CRPPA: variants seen among roughly 807,000 people sequenced by gnomAD.
CRPPA encodes the protein D-ribitol-5-phosphate cytidylyltransferase.
In CRPPA, 43 loss-of-function variants were observed where a neutral mutation model predicts 52.0. The ratio of observed to expected loss-of-function variants is 0.83; its 90% CI spans 0.65 to 1.07. The LOEUF is 1.07. CRPPA is among the 50% of genes least tolerant of loss of function. The pLI, the probability that CRPPA is intolerant of heterozygous loss-of-function variation, is 0.00. For missense variants in CRPPA, 629 were observed against 551.7 expected, an observed-to-expected ratio of 1.14 and a Z score of -1.40; for synonymous variants, 250 against 203.5, an observed-to-expected ratio of 1.23 and a Z score of -1.94.
intron 2 of CRPPA, among the ~76,000 whole-genome samples, chr7:16,379,632 T>G (rs10273021): frequency 0.016 from 2,391 of 152,298 alleles, 65 homozygotes; most frequent in African/African-American, 0.054. Context: ...GCATGGAATG[T>G]TCTTCCATTT....
chr7:16,327,525 G>A (rs965267397), intron 3 of CRPPA, among the ~76,000 whole-genome samples: 11 of 149,586 alleles, frequency 7.4e-5, no homozygotes, highest in African/African-American at 2.7e-4. Flanking sequence ...CCTGGGAAGC[G>A]GAGCTCGCAG....
chr7:16,398,224 T>C (rs1474360974), intron 2 of CRPPA, among the ~76,000 whole-genome samples: 1 of 151,474 alleles, frequency 6.6e-6, no homozygotes, highest in East Asian at 2.0e-4. Context: ...CTACATGTAA[T>C]AACGTGACTG....
intron 3 of CRPPA, among the ~76,000 whole-genome samples, chr7:16,327,479 G>C (rs1487631618): frequency 6.6e-6 from 1 of 151,920 alleles, no homozygotes; most frequent in African/African-American, 2.4e-5. Flanking sequence ...TGTAGTCCCA[G>C]CTACTCTGGA....
At chr7:16,252,040 A>C (rs1783470169) in intron 8 of CRPPA, among the ~76,000 whole-genome samples, 1 of 152,162 alleles carries the variant, frequency 6.6e-6, no homozygotes, top group Non-Finnish European at 1.5e-5. Context: ...AAAATGATAG[A>C]GAGCATATCA....
Position 16,410,878 on chromosome 7 carries a change from G to C in CRPPA, c.258-4541C>G, listed in dbSNP as rs1411362202. Among the ~76,000 whole-genome samples the C allele has an allele frequency of 3.3e-5, 5 of 152,118 alleles. No individual in the cohort carries two copies. In the East Asian group the frequency reaches 5.8e-4, roughly 18 times the overall value. ...TTCATACTCATCAGTTCTGACTTCA[G>C]AGATGGCTCCCTCCAGGAAGCTTTC... On this transcript the variant is annotated intron_variant, in intron 1 of 9. Transcript: ENST00000407010.
chr7:16,376,332 A>G, intron 2 of CRPPA, 91 bp from the exon 3 acceptor site: 1 of 1,265,302 alleles, frequency 7.9e-7, no homozygotes, highest in Non-Finnish European at 1.1e-6. Flanking sequence ...GACAGATCTT[A>G]TTCATACCTT....
At chr7:16,155,843 T>C (rs889407584) in intron 9 of CRPPA, among the ~76,000 whole-genome samples, 21 of 152,106 alleles carry the variant, frequency 1.4e-4, no homozygotes, top group Non-Finnish European at 2.8e-4. Flanking sequence ...ACAAACTCCT[T>C]ACTAGGCATG....
chr7:16,106,768 T>C (rs972264261), intron 9 of CRPPA, among the ~76,000 whole-genome samples: 5 of 152,052 alleles, frequency 3.3e-5, no homozygotes, highest in Non-Finnish European at 7.4e-5. Context: ...TAAAAGAAAG[T>C]AATAAAGCCC....
intron 9 of CRPPA, among the ~76,000 whole-genome samples, chr7:16,150,481 CTT>C (rs1446071347): frequency 6.6e-6 from 1 of 152,088 alleles, no homozygotes; most frequent in Non-Finnish European, 1.5e-5. Context: ...ACCCATGACA[CTT>C]TGAAAATATG....
At chr7:16,209,271 G>GTTTTTTTTTTTTTTTTTTTTTT (rs1316167969) in intron 9 of CRPPA, 18 of 137,818 alleles carry the variant, frequency 1.3e-4, no homozygotes, top group Non-Finnish European at 2.1e-4. Flanking sequence ...GGTTCTAAGT[G>GTTTTTTTTTTTTTTTTTTTTTT]TCTTTTTTTT....
intron 8 of CRPPA, among the ~76,000 whole-genome samples, chr7:16,222,461 A>G (rs1169624566): frequency 6.6e-6 from 1 of 152,010 alleles, no homozygotes; most frequent in Admixed American, 6.6e-5. Context: ...AAAAAAAGAA[A>G]AAAAGAAAAA....
chr7:16,342,663 C>G (rs1225919717), intron 3 of CRPPA, among the ~76,000 whole-genome samples: 1 of 148,962 alleles, frequency 6.7e-6, no homozygotes, highest in Non-Finnish European at 1.5e-5. Context: ...ACCAGTAATG[C>G]CAGCATTTTG....
intron 9 of CRPPA, among the ~76,000 whole-genome samples, chr7:16,101,994 G>A (rs1562504173): frequency 6.6e-6 from 1 of 152,050 alleles, no homozygotes; most frequent in Non-Finnish European, 1.5e-5. Context: ...AGCCCATACA[G>A]CCAAGACAAT....
chr7:16,249,251 C>T (rs548155101), intron 8 of CRPPA, among the ~76,000 whole-genome samples: 113 of 152,270 alleles, frequency 7.4e-4, no homozygotes, highest in African/African-American at 2.6e-3. Context: ...GATAAAACCC[C>T]CATCTCCCTG....
intron 9 of CRPPA, among the ~76,000 whole-genome samples, chr7:16,152,303 A>C (rs540982854): frequency 2.5e-4 from 38 of 152,110 alleles, no homozygotes; most frequent in Non-Finnish European, 5.5e-4. Flanking sequence ...AGAGTATTAT[A>C]AAATATACTT....
chr7:16,155,079 A>C (rs1326780725), intron 9 of CRPPA, among the ~76,000 whole-genome samples: 1 of 151,664 alleles, frequency 6.6e-6, no homozygotes, highest in Non-Finnish European at 1.5e-5. Context: ...TGGCCTCCCA[A>C]AATGCTGGGA....
chr7:16,365,078 G>A (rs368518373), intron 3 of CRPPA, among the ~76,000 whole-genome samples: 28 of 152,136 alleles, frequency 1.8e-4, no homozygotes, highest in African/African-American at 6.3e-4. Flanking sequence ...GTGACTAACT[G>A]CTTGTGGGCC....
At chr7:16,398,468 T>G (rs1049211298) in intron 2 of CRPPA, among the ~76,000 whole-genome samples, 3 of 151,904 alleles carry the variant, frequency 2.0e-5, no homozygotes, top group Admixed American at 2.0e-4. Flanking sequence ...ACGTGTGCGA[T>G]TGACATGATT....
At chr7:16,141,568 G>T (rs1009705146) in intron 9 of CRPPA, among the ~76,000 whole-genome samples, 10 of 152,032 alleles carry the variant, frequency 6.6e-5, no homozygotes, top group African/African-American at 2.4e-4. Flanking sequence ...TATCAAGAAG[G>T]CATCATATTA....
Sources: gnomAD v4.1 joint callset for allele counts (sites outside exome capture counted in the v4.1 genomes callset) on GRCh38, gnomAD v4.1.1 for gene constraint, MANE v1.5 for transcripts, NCBI Gene and HGNC (gene_info 2026-07-23, HGNC 2026-07-21) for gene names.